The following ITGA1 variants were observed in gnomAD, a reference collection of about 807,000 sequenced individuals.
ITGA1 encodes the protein integrin alpha-1.
Under a neutral mutation model 145.9 loss-of-function variants are expected in ITGA1, and 85 were observed. The observed-to-expected ratio is 0.58, with a 90% CI of 0.49 to 0.70. The LOEUF (loss-of-function observed/expected upper bound fraction) is 0.70, where lower values mean the gene tolerates loss of function less well. Ranked by LOEUF, ITGA1 falls within the 30% of genes least tolerant of loss-of-function variation. The pLI, the probability that ITGA1 is intolerant of heterozygous loss-of-function variation, is 0.00. For missense variants in ITGA1, 1,351 were observed against 1,418.7 expected (o/e 0.95, Z 0.77); for synonymous variants, 520 against 495.3 (o/e 1.05, Z -0.66).
chr5:52,839,376 G>A (rs7719529), intron 1 of ITGA1, among the ~76,000 whole-genome samples: 11 of 151,990 alleles, frequency 7.2e-5, no homozygotes, highest in Middle Eastern at 3.4e-3. Context: ...GTGTTTTCAC[G>A]AAACAATTTT....
chr5:52,939,569 A>G (rs1751022045), intron 24 of ITGA1, 21 bp from the exon 25 acceptor site: 2 of 1,490,064 alleles, frequency 1.3e-6, no homozygotes, highest in Admixed American at 3.4e-5. Context: ...TGTCTGATAA[A>G]TGTAATATTT....
chr5:52,874,851 A>G (rs2111793122), intron 6 of ITGA1, among the ~76,000 whole-genome samples: 1 of 152,338 alleles, frequency 6.6e-6, no homozygotes, highest in Non-Finnish European at 1.5e-5. Flanking sequence ...GGTGAATTTA[A>G]AACACAGAAC....
rs775286772 is a variant in ITGA1, at chr5:52,905,838, C to G, written c.1385C>G (p.Thr462Arg). The change falls in exon 12 of 29, where the codon ACA becomes AGA. Residue 462 changes from threonine (T) to arginine (R), a missense_variant. Physicochemically the swap from Thr to Arg is moderately conservative, Grantham distance 71 (BLOSUM62 -1). Transcript: ENST00000282588. ...GCTGGACAGCCTCGGTACAATCATA[C>G]AGGCCAGGTCATTATCTACAGGATG... is the stretch of plus-strand genomic sequence containing the variant. ...YIAGQPRYNH[T>R]GQVIIYRMED... is the part of the protein sequence containing the mutation. 6 of 1,613,664 alleles carry G rather than the reference C, an allele frequency of 3.7e-6. No individual in the cohort carries two copies. The highest frequency in any genetic ancestry group is 5.1e-6 in the Non-Finnish European group (6 of 1,179,742).
At chr5:52,808,624 AGT>A (rs1370582694) in intron 1 of ITGA1, among the ~76,000 whole-genome samples, 3 of 145,584 alleles carry the variant, frequency 2.1e-5, no homozygotes, top group Admixed American at 2.0e-4. Flanking sequence ...TTCCTCCCCA[AGT>A]GTGTTGTTGA....
Position 52,872,643 on chromosome 5 carries a change from C to A in ITGA1, c.624+6826C>A, listed in dbSNP as rs1401842837. Among the ~76,000 whole-genome samples, 3 of 146,106 alleles carry A rather than the reference C, an allele frequency of 2.1e-5. No individual in the cohort carries two copies. The East Asian group carries it at 6.3e-4, about 31-fold the overall frequency. ...CTCCGATCTCAGCTCACTGCAACCT[C>A]CGCCTCCCGGGTTCAAGCTATTCTC... On this transcript the variant is annotated intron_variant, in intron 6 of 28. Transcript: ENST00000282588.
intron 14 of ITGA1, among the ~76,000 whole-genome samples, chr5:52,910,957 T>C (rs1274367914): frequency 1.5e-5 from 2 of 134,292 alleles, no homozygotes; most frequent in Admixed American, 7.9e-5. Flanking sequence ...ATATAGTATA[T>C]ACACTATATA....
At chr5:52,916,524 G>C (rs1053564865) in intron 15 of ITGA1, among the ~76,000 whole-genome samples, 14 of 152,052 alleles carry the variant, frequency 9.2e-5, no homozygotes, top group Admixed American at 2.0e-4. Context: ...AGATGACTTT[G>C]CTATAATTTA....
intron 14 of ITGA1, among the ~76,000 whole-genome samples, chr5:52,911,804 C>CTA (rs1290617180): frequency 3.8e-5 from 5 of 132,514 alleles, no homozygotes; most frequent in South Asian, 4.9e-4. Flanking sequence ...ACTATATATA[C>CTA]TATATATGGT....
intron 6 of ITGA1, among the ~76,000 whole-genome samples, chr5:52,870,691 C>G (rs1749764336): frequency 6.6e-6 from 1 of 152,180 alleles, no homozygotes. Flanking sequence ...TGTTAGAATG[C>G]ATGTGTTTTC....
chr5:52,803,075 C>T (rs1330629903), intron 1 of ITGA1: 2 of 152,182 alleles, frequency 1.3e-5, no homozygotes, highest in Non-Finnish European at 2.9e-5. Flanking sequence ...TTTTTAACTG[C>T]TGGATCAGCG....
In ITGA1 at chr5:52,958,392, G is replaced by A. The variant is rs1234076190; in HGVS notation, c.*5941G>A. The A allele has an allele frequency of 6.6e-6, 1 of 152,108 alleles. No individual in the cohort carries two copies. The highest frequency in any genetic ancestry group is 2.1e-4 in the South Asian group (1 of 4,816). 9.4% of individuals were successfully genotyped at this position (152,108 alleles called of 1,614,324 possible). On this transcript the variant is annotated 3_prime_UTR_variant, in exon 29 of 29. Transcript: ENST00000282588. ...TAAGTAAATTGTTGATTAAATAAGA[G>A]CAAAACTATATTCTTATGTGTAGAT...
intron 1 of ITGA1, among the ~76,000 whole-genome samples, chr5:52,831,267 G>A (rs1749065455): frequency 6.6e-6 from 1 of 151,988 alleles, no homozygotes; most frequent in African/African-American, 2.4e-5. Flanking sequence ...CGAGTAGCTG[G>A]GATTACAGAC....
At chr5:52,896,617 T>A (rs191657708) in intron 9 of ITGA1, among the ~76,000 whole-genome samples, 1 of 152,304 alleles carries the variant, frequency 6.6e-6, no homozygotes, top group African/African-American at 2.4e-5. Flanking sequence ...AGTGCTATTT[T>A]TAACTTATCT....
At chr5:52,815,167 G>T (rs745564574) in intron 1 of ITGA1, among the ~76,000 whole-genome samples, 6 of 152,012 alleles carry the variant, frequency 3.9e-5, no homozygotes, top group Non-Finnish European at 8.8e-5. Flanking sequence ...AGCAGGGTAG[G>T]CCAAAAACAT....
intron 21 of ITGA1, among the ~76,000 whole-genome samples, chr5:52,929,983 T>G (rs554700559): frequency 6.6e-6 from 1 of 152,300 alleles, no homozygotes; most frequent in South Asian, 2.1e-4. Flanking sequence ...ATCTGCCAAA[T>G]TGCATTTAAA....
At chr5:52,944,651 A>C (rs1579734378) in intron 26 of ITGA1, among the ~76,000 whole-genome samples, 1 of 152,210 alleles carries the variant, frequency 6.6e-6, no homozygotes, top group Non-Finnish European at 1.5e-5. Flanking sequence ...GCTACATTAA[A>C]GGTAGGCAGA....
rs1286278024 is a variant in ITGA1, at chr5:52,933,933, G to C, written c.2901G>C (p.Glu967Asp). Reference protein sequence around the residue: ...SEYHISIAANETVPEVINSTE... With the variant: ...SEYHISIAANDTVPEVINSTE... ...ACCACATTTCAATTGCTGCCAATGA[G>C]ACAGTCCCTGAAGTTATTAATTCTA... Residue 967 changes from glutamate to aspartate, a missense_variant, in exon 23 of 29, where the codon GAG becomes GAC. By Grantham distance (45) the Glu-to-Asp change is conservative. Coordinates refer to ENST00000282588, the MANE Select transcript of ITGA1 (RefSeq NM_181501.2). 5 of 1,538,052 alleles carry C rather than the reference G, an allele frequency of 3.3e-6. No individual in the cohort carries two copies. Among genetic ancestry groups the C allele is most frequent in the African/African-American group, 1.4e-5 (1 of 72,214 alleles).
chr5:52,869,097 C>G (rs1727831832), intron 6 of ITGA1, among the ~76,000 whole-genome samples: 1 of 152,146 alleles, frequency 6.6e-6, no homozygotes, highest in Non-Finnish European at 1.5e-5. Flanking sequence ...TTTTCAAAAT[C>G]AGAATCTCTG....
At chr5:52,863,662 A>T (rs1170887292) in intron 3 of ITGA1, among the ~76,000 whole-genome samples, 1 of 151,878 alleles carries the variant, frequency 6.6e-6, no homozygotes, top group Non-Finnish European at 1.5e-5. Context: ...TTTGCAGAGG[A>T]GCTGTTTTGT....
Sources: gnomAD v4.1 joint callset for allele counts (sites outside exome capture counted in the v4.1 genomes callset) on GRCh38, gnomAD v4.1.1 for gene constraint, MANE v1.5 for transcripts, NCBI Gene and HGNC (gene_info 2026-07-23, HGNC 2026-07-21) for gene names.